The following BBS9 variants were observed in gnomAD, a reference collection of about 807,000 sequenced individuals.
BBS9 encodes protein PTHB1.
In BBS9, 89 loss-of-function variants were observed where a neutral mutation model predicts 117.7. The observed-to-expected ratio is 0.76, with a 90% CI of 0.64 to 0.90. The LOEUF is 0.90. BBS9 is among the 40% of genes least tolerant of loss of function. The pLI, the probability that BBS9 is intolerant of heterozygous loss-of-function variation, is 0.00. For synonymous variants in BBS9, 379 were observed against 370.9 expected (o/e 1.02, Z -0.25); for missense variants, 982 against 1,042.2 (o/e 0.94, Z 0.80).
rs150042156 is a variant in BBS9, at chr7:33,347,521, T to C, written c.1330-1547T>C. 1.5e-3 allele frequency among the ~76,000 whole-genome samples: 234 copies of C among 152,124 alleles called. 2 individuals carry two copies. Among genetic ancestry groups the C allele is most frequent in the Middle Eastern group, 6.8e-3 (2 of 294 alleles). Reference sequence around the variant, plus strand: ...CTGTGTATTCCCAGGATTTACAAAGTAAAAATTGAGGATTCATTGTTCATG... The same window carrying C: ...CTGTGTATTCCCAGGATTTACAAAGCAAAAATTGAGGATTCATTGTTCATG... On this transcript the variant is annotated intron_variant, in intron 12 of 22. Transcript: ENST00000242067.
At chr7:33,192,152 C>G (rs1400241468) in intron 5 of BBS9, among the ~76,000 whole-genome samples, 8 of 152,100 alleles carry the variant, frequency 5.3e-5, no homozygotes, top group African/African-American at 1.9e-4. Context: ...CATGTCAAGT[C>G]TGGTGCTGTA....
chr7:33,620,018 G>C (rs553127579), intron 21 of BBS9, among the ~76,000 whole-genome samples: 3 of 151,946 alleles, frequency 2.0e-5, no homozygotes, highest in Admixed American at 6.6e-5. Flanking sequence ...GAAATACATA[G>C]AGACTAGAAA....
At chr7:33,281,090 T>C (rs1801797063) in intron 9 of BBS9, among the ~76,000 whole-genome samples, 2 of 151,736 alleles carry the variant, frequency 1.3e-5, no homozygotes, top group Non-Finnish European at 2.9e-5. Context: ...TTTTTATTGA[T>C]ATTTTCTTGT....
chr7:33,192,759 C>T (rs1784333183), intron 5 of BBS9, among the ~76,000 whole-genome samples: 1 of 152,200 alleles, frequency 6.6e-6, no homozygotes, highest in African/African-American at 2.4e-5. Context: ...CCAGCAGGTT[C>T]AGTGTGCAGC....
rs13221959 is a variant in BBS9, at chr7:33,529,046, T to C, written c.2299-4908T>C. Among the ~76,000 whole-genome samples, 786 of 152,342 alleles carry C rather than the reference T, an allele frequency of 5.2e-3. 7 individuals are homozygous for C. Among genetic ancestry groups the C allele is most frequent in the Middle Eastern group, 0.014 (4 of 294 alleles). On this transcript the variant is annotated intron_variant, in intron 20 of 22. Coordinates refer to ENST00000242067, the MANE Select transcript of BBS9 (RefSeq NM_198428.3). ...AATTCAGCTGTGGCTCTCTGGTCTC[T>C]GGATAGCAAGAAGCATAGCTCAGCT...
intron 5 of BBS9, 96 bp from the exon 6 acceptor site, chr7:33,257,140 T>C: frequency 2.5e-6 from 2 of 786,028 alleles, no homozygotes; most frequent in South Asian, 4.5e-5. Flanking sequence ...TATGTAAAAT[T>C]GGTGCCTAAG....
chr7:33,314,082 G>T (rs774553506), intron 9 of BBS9, among the ~76,000 whole-genome samples: 13 of 152,088 alleles, frequency 8.5e-5, no homozygotes, highest in Non-Finnish European at 1.6e-4. Flanking sequence ...AGCAAAAGTA[G>T]CTCCCCAGCA....
chr7:33,311,723 A>C (rs1809271774), intron 9 of BBS9, among the ~76,000 whole-genome samples: 2 of 152,104 alleles, frequency 1.3e-5, no homozygotes, highest in South Asian at 4.1e-4. Flanking sequence ...AGGTTGAGAC[A>C]GGATAATCGC....
chr7:33,183,377 G>A lies in BBS9; in HGVS notation c.442+5786G>A, dbSNP rs76833726. 0.018 allele frequency among the ~76,000 whole-genome samples: 2,751 copies of A among 151,386 alleles called. 233 individuals are homozygous for A. The East Asian group carries it at 0.28, about 15-fold the overall frequency. Reference sequence around the variant, plus strand: ...TCCAGAAAAACACAATCCACGAAGAGGAAAAAAAAACATAAAGGCCTTTAA... The same window carrying A: ...TCCAGAAAAACACAATCCACGAAGAAGAAAAAAAAACATAAAGGCCTTTAA... On this transcript the variant is annotated intron_variant, in intron 5 of 22. Transcript: ENST00000242067.
chr7:33,568,363 T>C (rs1268239076), intron 21 of BBS9, among the ~76,000 whole-genome samples: 1 of 152,162 alleles, frequency 6.6e-6, no homozygotes, highest in African/African-American at 2.4e-5. Flanking sequence ...CCCCACTTCC[T>C]TCCTCCCACT....
intron 20 of BBS9, among the ~76,000 whole-genome samples, chr7:33,522,269 G>C (rs550036104): frequency 1.3e-5 from 2 of 152,032 alleles, no homozygotes; most frequent in Non-Finnish European, 2.9e-5. Flanking sequence ...CCCAGTAATC[G>C]GATTGTTGGG....
chr7:33,313,158 C>T (rs930680851), intron 9 of BBS9, among the ~76,000 whole-genome samples: 8 of 151,140 alleles, frequency 5.3e-5, no homozygotes, highest in African/African-American at 1.7e-4. Flanking sequence ...TTGCTTAGGT[C>T]ATTTCTTCTA....
chr7:33,316,907 A>G (rs563860938), intron 9 of BBS9, among the ~76,000 whole-genome samples: 4 of 152,166 alleles, frequency 2.6e-5, no homozygotes, highest in Middle Eastern at 3.4e-3. Flanking sequence ...TTTTCCTTTA[A>G]GGTTTTTGCT....
At chr7:33,436,994 C>T (rs550818968) in intron 19 of BBS9, among the ~76,000 whole-genome samples, 6 of 152,120 alleles carry the variant, frequency 3.9e-5, no homozygotes, top group African/African-American at 1.4e-4. Context: ...GAGATTTGTA[C>T]ATGAGTGAGG....
chr7:33,156,824 C>T (rs1285056591), intron 4 of BBS9, among the ~76,000 whole-genome samples: 1 of 151,988 alleles, frequency 6.6e-6, no homozygotes, highest in Non-Finnish European at 1.5e-5. Flanking sequence ...ATAAAGTGTG[C>T]TCTCATTGAT....
chr7:33,264,627 A>G (rs1415996869), intron 7 of BBS9, among the ~76,000 whole-genome samples: 4 of 152,134 alleles, frequency 2.6e-5, no homozygotes, highest in Admixed American at 6.5e-5. Flanking sequence ...AGATGGAGTC[A>G]CTTTTAACAA....
At chr7:33,501,466 A>C (rs1845427927) in intron 19 of BBS9, among the ~76,000 whole-genome samples, 1 of 152,222 alleles carries the variant, frequency 6.6e-6, no homozygotes, top group Non-Finnish European at 1.5e-5. Flanking sequence ...ACAATGGCAC[A>C]GGAATATATC....
intron 4 of BBS9, among the ~76,000 whole-genome samples, chr7:33,166,378 T>C (rs192884534): frequency 3.9e-5 from 6 of 152,308 alleles, no homozygotes; most frequent in Admixed American, 2.6e-4. Flanking sequence ...GGGAGAACCA[T>C]TGGTCTTTTC....
chr7:33,541,423 CTTAT>C (rs1395619117), intron 21 of BBS9, among the ~76,000 whole-genome samples: 2 of 152,272 alleles, frequency 1.3e-5, no homozygotes, highest in East Asian at 3.9e-4. Flanking sequence ...ACTCTTATCG[CTTAT>C]TTAGACAGTT....
Sources: gnomAD v4.1 joint callset for allele counts (sites outside exome capture counted in the v4.1 genomes callset) on GRCh38, gnomAD v4.1.1 for gene constraint, MANE v1.5 for transcripts, NCBI Gene and HGNC (gene_info 2026-07-23, HGNC 2026-07-21) for gene names.